The following MAP4K4 variants were observed in gnomAD, a reference collection of about 807,000 sequenced individuals.
MAP4K4 encodes the protein mitogen-activated protein kinase kinase kinase kinase 4.
Under a neutral mutation model 189.6 loss-of-function variants are expected in MAP4K4, and 38 were observed. The observed-to-expected ratio is 0.20, with a 90% CI of 0.15 to 0.26. MAP4K4 has a LOEUF of 0.26. Ranked by LOEUF, MAP4K4 falls within the 10% of genes least tolerant of loss-of-function variation. The probability of loss-of-function intolerance (pLI) is 1.00; values close to 1 mark genes in which losing one functional copy is unlikely to be tolerated. For synonymous variants in MAP4K4, 610 were observed against 624.3 expected (o/e 0.98, Z 0.34); for missense variants, 1,054 against 1,726.9 (o/e 0.61, Z 6.91).
chr2:101,798,024 T>C (rs1192618226), intron 3 of MAP4K4, among the ~76,000 whole-genome samples: 1 of 150,038 alleles, frequency 6.7e-6, no homozygotes. Context: ...ACTCAAATGA[T>C]CCCCCCCATC....
rs946394147 is a variant in MAP4K4, at chr2:101,785,102, G to A, written c.124-5618G>A. 9.9e-5 allele frequency among the ~76,000 whole-genome samples: 15 copies of A among 152,262 alleles called. No individual in the cohort carries two copies. The East Asian group carries it at 2.9e-3, about 29-fold the overall frequency. Reference sequence around the variant, plus strand: ...GCTTGCTGGAGTTGATGCTGTGTGTGTGCACCCCTCTGGGCTATTTAGGGA... The same window carrying A: ...GCTTGCTGGAGTTGATGCTGTGTGTATGCACCCCTCTGGGCTATTTAGGGA... On this transcript the variant is annotated intron_variant, in intron 2 of 32. Coordinates refer to ENST00000324219, the Ensembl canonical transcript of MAP4K4.
At chr2:101,811,972 A>T (rs1398077914) in intron 3 of MAP4K4, among the ~76,000 whole-genome samples, 1 of 151,990 alleles carries the variant, frequency 6.6e-6, no homozygotes, top group Non-Finnish European at 1.5e-5. Flanking sequence ...TGTAATTTTT[A>T]CTGATTTAAG....
intron 11 of MAP4K4, 137 bp from the exon 12 acceptor site, chr2:101,843,964 A>T: frequency 1.6e-6 from 1 of 613,866 alleles, no homozygotes; most frequent in East Asian, 2.8e-5. Flanking sequence ...ATTTCTGTGG[A>T]TGTATTAGTT....
Position 101,860,984 on chromosome 2 carries a change from C to T in MAP4K4, c.1864C>T (p.Gln622Ter). 6.3e-7 allele frequency: 1 copy of T among 1,591,718 alleles called. No individual in the cohort carries two copies. The highest frequency in any genetic ancestry group is 8.6e-7 in the Non-Finnish European group (1 of 1,169,428). ...CGCCCTGCAGAGACCAGCGGAGCCA[C>T]AGGTAGCGACAGCCAGCTTTGCTGT... Residue 622 changes from glutamine (Q) to a stop codon, truncating the protein, a stop_gained and splice_region_variant, in exon 16 of 33, where the codon CAG becomes TAG. Transcript: ENST00000324219. LOFTEE classifies it high-confidence loss of function.
intron 3 of MAP4K4, among the ~76,000 whole-genome samples, chr2:101,800,858 C>T (rs776036646): frequency 4.6e-5 from 7 of 152,144 alleles, no homozygotes; most frequent in African/African-American, 9.7e-5. Context: ...TTAAAACTTG[C>T]TGTGAAAGGA....
intron 2 of MAP4K4, among the ~76,000 whole-genome samples, chr2:101,717,248 C>T (rs1296398733): frequency 2.0e-5 from 3 of 152,174 alleles, no homozygotes; most frequent in Non-Finnish European, 4.4e-5. Context: ...CATGCATACC[C>T]AGCTGTCAGC....
chr2:101,747,444 G>A (rs2149881593), intron 2 of MAP4K4, among the ~76,000 whole-genome samples: 1 of 152,274 alleles, frequency 6.6e-6, no homozygotes, highest in Middle Eastern at 3.4e-3. Context: ...AGTCAAGAAT[G>A]GTGTATATTT....
chr2:101,853,393 A>G (rs919250494), intron 12 of MAP4K4, among the ~76,000 whole-genome samples: 11 of 152,182 alleles, frequency 7.2e-5, no homozygotes, highest in Non-Finnish European at 1.5e-4. Flanking sequence ...AAGATACTGT[A>G]TTTATGGAAC....
At chr2:101,719,062 G>T (rs1373770923) in intron 2 of MAP4K4, among the ~76,000 whole-genome samples, 1 of 152,188 alleles carries the variant, frequency 6.6e-6, no homozygotes, top group Non-Finnish European at 1.5e-5. Context: ...GTCTTTCTGA[G>T]GCTCACAGGA....
chr2:101,737,295 T>G lies in MAP4K4; in HGVS notation c.123+38757T>G, dbSNP rs564672672. Among the ~76,000 whole-genome samples the G allele has an allele frequency of 1.5e-3, 229 of 151,742 alleles. 1 individual carries two copies. Among genetic ancestry groups the G allele is most frequent in the African/African-American group, 5.3e-3 (220 of 41,354 alleles). On this transcript the variant is annotated intron_variant, in intron 2 of 32. Transcript: ENST00000324219. ...CAGCTCTAACAAGCTGCCACCCTTATTTTGGTGATGAGGCTTGTGCCCACT... is the reference window on the plus strand; with the variant it reads ...CAGCTCTAACAAGCTGCCACCCTTAGTTTGGTGATGAGGCTTGTGCCCACT...
chr2:101,839,779 T>C (rs779017667), intron 9 of MAP4K4, 40 bp from the exon 10 acceptor site: 4 of 1,482,020 alleles, frequency 2.7e-6, no homozygotes, highest in African/African-American at 1.4e-5. Context: ...ATCTTTACTC[T>C]TTGTGGTGGA....
At chr2:101,850,056 C>T (rs2097232998) in intron 12 of MAP4K4, among the ~76,000 whole-genome samples, 1 of 152,064 alleles carries the variant, frequency 6.6e-6, no homozygotes, top group Admixed American at 6.5e-5. Flanking sequence ...AAAGCCTTTA[C>T]CCCTGGACTC....
intron 2 of MAP4K4, among the ~76,000 whole-genome samples, chr2:101,700,986 CATT>C (rs1316933934): frequency 6.6e-6 from 1 of 152,004 alleles, no homozygotes; most frequent in African/African-American, 2.4e-5. Flanking sequence ...TTTGGGATTA[CATT>C]ATTAACACTT....
intron 3 of MAP4K4, 117 bp downstream of exon 3, chr2:101,790,893 T>G: frequency 1.1e-6 from 1 of 879,112 alleles, no homozygotes; most frequent in Admixed American, 2.1e-5. Context: ...ATTGCCCTCC[T>G]GTGACATTGT....
Position 101,852,082 on chromosome 2 carries a change from C to T in MAP4K4, c.1234-3895C>T, listed in dbSNP as rs558215375. ...GCTCTAATTTGAGTACCAGAGGTACCTTAGAGTGAGTACTTTAGAGGACCT... is the reference window on the plus strand; with the variant it reads ...GCTCTAATTTGAGTACCAGAGGTACTTTAGAGTGAGTACTTTAGAGGACCT... On this transcript the variant is annotated intron_variant, in intron 12 of 32. Coordinates refer to ENST00000324219, the Ensembl canonical transcript of MAP4K4. Among the ~76,000 whole-genome samples the T allele has an allele frequency of 2.4e-4, 36 of 150,952 alleles. No homozygotes were observed. The East Asian group carries it at 6.6e-3, about 28-fold the overall frequency.
intron 2 of MAP4K4, among the ~76,000 whole-genome samples, chr2:101,760,607 A>G (rs71415327): frequency 0.28 from 42,493 of 151,236 alleles, 6,752 homozygotes; most frequent in South Asian, 0.48. Context: ...AGTGGCTCCC[A>G]TACACATTGA....
chr2:101,699,523 AGTCG>A (rs1361611823), intron 2 of MAP4K4, among the ~76,000 whole-genome samples: 1 of 152,208 alleles, frequency 6.6e-6, no homozygotes. Flanking sequence ...GTTCTGTTAG[AGTCG>A]GTACAAGGTT....
At chr2:101,834,236 T>TCCTCC (rs550949082) in intron 7 of MAP4K4, among the ~76,000 whole-genome samples, 173 bp from the exon 8 acceptor site, 4 of 125,102 alleles carry the variant, frequency 3.2e-5, no homozygotes, top group Non-Finnish European at 6.5e-5. Flanking sequence ...ATCCCTCCCT[T>TCCTCC]CCTCCCCTCC....
At chr2:101,805,706 C>A (rs1185299467) in intron 3 of MAP4K4, among the ~76,000 whole-genome samples, 1 of 152,206 alleles carries the variant, frequency 6.6e-6, no homozygotes, top group East Asian at 1.9e-4. Context: ...ATTGTATTAT[C>A]TTAACTGCAG....
Sources: gnomAD v4.1 joint callset for allele counts (sites outside exome capture counted in the v4.1 genomes callset) on GRCh38, gnomAD v4.1.1 for gene constraint, MANE v1.5 for transcripts, NCBI Gene and HGNC (gene_info 2026-07-23, HGNC 2026-07-21) for gene names.